Variants in FKBP5 observed in about 807,000 individuals in gnomAD.
FKBP5 encodes FKBP prolyl isomerase 5.
FKBP5 carries 23 observed loss-of-function variants against 50.5 expected under a neutral mutation model. The ratio of observed to expected loss-of-function variants is 0.46; its 90% CI spans 0.33 to 0.65. The LOEUF (loss-of-function observed/expected upper bound fraction) is 0.65. Ranked by LOEUF, FKBP5 falls within the 30% of genes least tolerant of loss-of-function variation. The pLI is 0.02. For synonymous variants in FKBP5, 176 were observed against 190.6 expected (o/e 0.92, Z 0.63); for missense variants, 411 against 553.1 (o/e 0.74, Z 2.58).
intron 1 of FKBP5, among the ~76,000 whole-genome samples, chr6:35,655,766 T>C (rs1764928626): frequency 6.6e-6 from 1 of 152,130 alleles, no homozygotes; most frequent in Non-Finnish European, 1.5e-5. Flanking sequence ...ATCTGGAAAA[T>C]TACACTGTAC....
chr6:35,630,579 A>G (rs752696739), intron 3 of FKBP5, among the ~76,000 whole-genome samples: 1 of 152,138 alleles, frequency 6.6e-6, no homozygotes, highest in Non-Finnish European at 1.5e-5. Context: ...TATATCAGGC[A>G]CTCGATAAAT....
chr6:35,672,677 G>A (rs1765419816), intron 1 of FKBP5, among the ~76,000 whole-genome samples: 1 of 151,954 alleles, frequency 6.6e-6, no homozygotes, highest in South Asian at 2.1e-4. Context: ...TGTAATCCCA[G>A]CATTTTCGGA....
chr6:35,681,676 T>C (rs1222889482), intron 1 of FKBP5, among the ~76,000 whole-genome samples: 1 of 152,186 alleles, frequency 6.6e-6, no homozygotes, highest in Admixed American at 6.5e-5. Flanking sequence ...CTTATTCCTC[T>C]TGGTACAATA....
In FKBP5 at chr6:35,584,813, C is replaced by G. The variant is rs1046101486; in HGVS notation, c.840+2221G>C. On this transcript the variant is annotated intron_variant, in intron 8 of 10. Coordinates refer to ENST00000357266, the MANE Select transcript of FKBP5 (RefSeq NM_004117.4). ...AATTCCATGTTAAAAATAATTTTTT[C>G]CATGTGTGTGACTGCTGATCCAGAT... 13 of 985,178 alleles carry G rather than the reference C, an allele frequency of 1.3e-5. No homozygotes were observed. The African/African-American group carries it at 1.9e-4, about 15-fold the overall frequency. The allele number at this position is 985,178 out of a possible 1,614,324, so 61.0% of individuals were successfully genotyped here. A position where few individuals can be genotyped will look rare whatever the true frequency, so the allele number is the denominator to read the frequency against.
intron 5 of FKBP5, among the ~76,000 whole-genome samples, chr6:35,603,699 C>G (rs1763217854): frequency 6.7e-6 from 1 of 150,206 alleles, no homozygotes; most frequent in African/African-American, 2.4e-5. Flanking sequence ...TGTTTTCTTT[C>G]TTTTTTTGAG....
chr6:35,630,877 A>C (rs555430274), intron 3 of FKBP5, among the ~76,000 whole-genome samples: 2 of 152,352 alleles, frequency 1.3e-5, no homozygotes, highest in South Asian at 4.1e-4. Context: ...TTTTCCGAAG[A>C]CCAATTAAGA....
intron 1 of FKBP5, among the ~76,000 whole-genome samples, chr6:35,652,607 T>C (rs1764837342): frequency 6.6e-6 from 1 of 152,178 alleles, no homozygotes; most frequent in Non-Finnish European, 1.5e-5. Context: ...TAAACTTTGG[T>C]CAGACTAGTT....
At chr6:35,620,347 T>C (rs765177408) in intron 3 of FKBP5, 73 bp from the exon 4 acceptor site, 9 of 1,535,988 alleles carry the variant, frequency 5.9e-6, no homozygotes, top group African/African-American at 1.4e-5. Flanking sequence ...AAAACCAAAG[T>C]TCTAATTTCC....
chr6:35,683,305 A>C (rs1200527244), intron 1 of FKBP5, among the ~76,000 whole-genome samples: 2 of 151,636 alleles, frequency 1.3e-5, no homozygotes, highest in African/African-American at 4.8e-5. Context: ...GATACAAGCT[A>C]CCACACCTGG....
At chr6:35,653,784 G>A (rs973716058) in intron 1 of FKBP5, among the ~76,000 whole-genome samples, 1 of 152,228 alleles carries the variant, frequency 6.6e-6, no homozygotes, top group South Asian at 2.1e-4. Flanking sequence ...TGGGCTGACA[G>A]GACAAGTGGA....
chr6:35,646,409 A>C (rs1561874976), intron 1 of FKBP5, among the ~76,000 whole-genome samples: 1 of 152,218 alleles, frequency 6.6e-6, no homozygotes, highest in Non-Finnish European at 1.5e-5. Flanking sequence ...ACAAGAAAAC[A>C]AACTTTTGAA....
chr6:35,714,452 C>CAA (rs371107974), intron 2 of FKBP5, among the ~76,000 whole-genome samples: 2,589 of 104,760 alleles, frequency 0.025, 58 homozygotes, highest in African/African-American at 0.076. Context: ...AACACTGCCT[C>CAA]AAAAAAAAAA....
chr6:35,661,583 C>T (rs1374286675), intron 1 of FKBP5, among the ~76,000 whole-genome samples: 1 of 80,760 alleles, frequency 1.2e-5, no homozygotes, highest in Non-Finnish European at 2.8e-5. Flanking sequence ...CTAGCCTGGT[C>T]AACATGGTGA....
intron 2 of FKBP5, among the ~76,000 whole-genome samples, chr6:35,719,378 T>C (rs550246853): frequency 2.2e-3 from 330 of 152,308 alleles, no homozygotes; most frequent in Non-Finnish European, 3.1e-3. Flanking sequence ...TCTGAAATCT[T>C]GATCTAGGTG....
intron 1 of FKBP5, 73 bp from the exon 2 acceptor site, chr6:35,642,916 G>A (rs1764536490): frequency 3.8e-6 from 4 of 1,053,920 alleles, no homozygotes; most frequent in African/African-American, 3.2e-5. Flanking sequence ...CCTGGGAACT[G>A]AGCTCTACCT....
intron 1 of FKBP5, among the ~76,000 whole-genome samples, chr6:35,654,879 G>A (rs1410660840): frequency 6.6e-6 from 1 of 152,178 alleles, no homozygotes; most frequent in Non-Finnish European, 1.5e-5. Flanking sequence ...ACATCTGATA[G>A]GCATCACTGT....
chr6:35,702,133 C>A (rs533825162), intron 2 of FKBP5, among the ~76,000 whole-genome samples: 1 of 152,214 alleles, frequency 6.6e-6, no homozygotes, highest in African/African-American at 2.4e-5. Flanking sequence ...CAGGCGTGAG[C>A]CACCATGCCT....
At chr6:35,711,375 T>C (rs1561906273) in intron 2 of FKBP5, among the ~76,000 whole-genome samples, 1 of 149,968 alleles carries the variant, frequency 6.7e-6, no homozygotes, top group Non-Finnish European at 1.5e-5. Flanking sequence ...CCTAACAGTT[T>C]GGGAGGCCAA....
At chr6:35,589,130 T>TATTTTTATATATATATATATATATATATA (rs1561846638) in intron 7 of FKBP5, among the ~76,000 whole-genome samples, 6 of 112,964 alleles carry the variant, frequency 5.3e-5, no homozygotes, top group Non-Finnish European at 1.1e-4. Context: ...ATATATATAT[T>TATTTTTATATATATATATATATATATATA]TTTTTTTTTT....
Sources: gnomAD v4.1 joint callset for allele counts (sites outside exome capture counted in the v4.1 genomes callset) on GRCh38, gnomAD v4.1.1 for gene constraint, MANE v1.5 for transcripts, NCBI Gene and HGNC (gene_info 2026-07-23, HGNC 2026-07-21) for gene names.